BACH2: variants seen among roughly 807,000 people sequenced by gnomAD.
BACH2 encodes transcription regulator protein BACH2.
BACH2 carries 5 observed loss-of-function variants against 61.8 expected under a neutral mutation model. That is an observed-to-expected ratio of 0.08 (90% CI 0.04 to 0.17). The LOEUF (loss-of-function observed/expected upper bound fraction) is 0.17. BACH2 is among the 10% of genes least tolerant of loss of function. BACH2 has a pLI of 1.00. For missense variants in BACH2, 824 were observed against 1,091.1 expected, an observed-to-expected ratio of 0.76 and a Z score of 3.45; for synonymous variants, 446 against 440.1, an observed-to-expected ratio of 1.01 and a Z score of -0.17.
chr6:90,131,010 G>A (rs768970770), intron 4 of BACH2, among the ~76,000 whole-genome samples: 12 of 152,180 alleles, frequency 7.9e-5, no homozygotes, highest in Non-Finnish European at 1.8e-4. Context: ...TGTTAATATG[G>A]TCTTTTAGTG....
intron 6 of BACH2, among the ~76,000 whole-genome samples, chr6:89,994,877 TTGA>T (rs1252573271): frequency 1.3e-5 from 2 of 152,238 alleles, no homozygotes; most frequent in Admixed American, 6.5e-5. Context: ...GGTCACCCTG[TTGA>T]TATTTTTACT....
chr6:90,055,181 C>T (rs113274869), intron 5 of BACH2, among the ~76,000 whole-genome samples: 33 of 150,944 alleles, frequency 2.2e-4, no homozygotes, highest in African/African-American at 7.5e-4. Context: ...CTCTGAGCTA[C>T]AGGAGGAGCT....
intron 7 of BACH2, among the ~76,000 whole-genome samples, chr6:89,945,704 G>A (rs1045366175): frequency 1.3e-5 from 2 of 152,112 alleles, no homozygotes; most frequent in Non-Finnish European, 2.9e-5. Context: ...TTTATGATAT[G>A]GGAATTATGT....
At chr6:90,010,119 ACTGTACATAT>A (rs1043658509) in intron 5 of BACH2, among the ~76,000 whole-genome samples, 1 of 152,202 alleles carries the variant, frequency 6.6e-6, no homozygotes, top group Non-Finnish European at 1.5e-5. Context: ...CATACAATAA[ACTGTACATAT>A]TTATAGTGAG....
intron 4 of BACH2, among the ~76,000 whole-genome samples, chr6:90,089,898 G>T (rs552856567): frequency 6.6e-6 from 1 of 152,200 alleles, no homozygotes; most frequent in South Asian, 2.1e-4. Context: ...AAAAATAGAT[G>T]CATATTCTTA....
At chr6:90,082,105 T>C (rs776182833) in intron 5 of BACH2, among the ~76,000 whole-genome samples, 2 of 152,230 alleles carry the variant, frequency 1.3e-5, no homozygotes, top group Non-Finnish European at 2.9e-5. Context: ...CAGAATTTGA[T>C]TGGAGTTCAT....
At chr6:89,943,359 C>G (rs944315219) in intron 7 of BACH2, among the ~76,000 whole-genome samples, 11 of 151,996 alleles carry the variant, frequency 7.2e-5, no homozygotes, top group African/African-American at 2.7e-4. Context: ...ATTCTTCAGC[C>G]TAAACCATCA....
At chr6:90,232,413 G>A (rs1770127790) in intron 3 of BACH2, among the ~76,000 whole-genome samples, 1 of 152,174 alleles carries the variant, frequency 6.6e-6, no homozygotes. Flanking sequence ...AGCTGGAATT[G>A]TGTATTTATT....
At chr6:90,092,334 T>TCACTTG (rs1269504318) in intron 4 of BACH2, among the ~76,000 whole-genome samples, 1 of 135,404 alleles carries the variant, frequency 7.4e-6, no homozygotes, top group Non-Finnish European at 1.5e-5. Context: ...ACACATTGCA[T>TCACTTG]CACTTGCACT....
chr6:90,292,568 C>T (rs944274332), intron 1 of BACH2, among the ~76,000 whole-genome samples: 29 of 152,300 alleles, frequency 1.9e-4, no homozygotes, highest in African/African-American at 7.0e-4. Flanking sequence ...CTGATCAATC[C>T]CTGAGTGGGA....
At position 89,931,859 on chromosome 6, in the gene BACH2, A is replaced by G. The variant is rs1476916571; in HGVS notation, c.*549T>C. 6.6e-6 allele frequency: 1 copy of G among 152,082 alleles called. No homozygotes were observed. The highest frequency in any genetic ancestry group is 2.4e-5 in the African/African-American group (1 of 41,294). 9.4% of individuals were successfully genotyped at this position (152,082 alleles called of 1,614,324 possible). Reference sequence around the variant, plus strand: ...AGAGACAAAAGAAGAGGAATGTTGGAACCTGTTTCTAAATGAGAAATAAGT... The same window carrying G: ...AGAGACAAAAGAAGAGGAATGTTGGGACCTGTTTCTAAATGAGAAATAAGT... On this transcript the variant is annotated 3_prime_UTR_variant, in exon 9 of 9. Coordinates refer to ENST00000257749, the MANE Select transcript of BACH2 (RefSeq NM_021813.4).
intron 5 of BACH2, among the ~76,000 whole-genome samples, chr6:90,087,177 C>T (rs1034257234): frequency 6.6e-6 from 1 of 152,110 alleles, no homozygotes. Context: ...CTTTGCTTGG[C>T]AATTGCTTTA....
intron 4 of BACH2, among the ~76,000 whole-genome samples, chr6:90,192,965 C>T (rs1041210715): frequency 3.3e-5 from 5 of 152,196 alleles, no homozygotes; most frequent in African/African-American, 4.8e-5. Flanking sequence ...GTTTGATACA[C>T]ATTCTGAGAA....
At chr6:90,177,163 C>T (rs1410001356) in intron 4 of BACH2, among the ~76,000 whole-genome samples, 1 of 152,192 alleles carries the variant, frequency 6.6e-6, no homozygotes, top group Non-Finnish European at 1.5e-5. Context: ...GAAGCCTCCT[C>T]AAACAACTGC....
At chr6:90,250,387 G>C (rs1020342237) in intron 3 of BACH2, among the ~76,000 whole-genome samples, 1 of 152,130 alleles carries the variant, frequency 6.6e-6, no homozygotes, top group African/African-American at 2.4e-5. Context: ...CCTCCGAAAG[G>C]AGTCAACTTT....
chr6:90,075,481 C>T (rs1781432763), intron 5 of BACH2, among the ~76,000 whole-genome samples: 1 of 152,122 alleles, frequency 6.6e-6, no homozygotes, highest in Non-Finnish European at 1.5e-5. Flanking sequence ...ACACTCAAAC[C>T]TGGCTTTCCA....
chr6:89,954,326 A>C (rs1020258747), intron 6 of BACH2, among the ~76,000 whole-genome samples: 19 of 151,038 alleles, frequency 1.3e-4, no homozygotes, highest in African/African-American at 4.6e-4. Flanking sequence ...ATTATGCTTT[A>C]AGTTTTAGGG....
chr6:90,170,627 TA>T (rs1767780719), intron 4 of BACH2, among the ~76,000 whole-genome samples: 1 of 152,222 alleles, frequency 6.6e-6, no homozygotes, highest in Non-Finnish European at 1.5e-5. Context: ...TTTTTGTAGG[TA>T]AAATATGATT....
intron 2 of BACH2, among the ~76,000 whole-genome samples, chr6:90,257,676 A>T (rs1040908199): frequency 2.0e-5 from 3 of 152,212 alleles, no homozygotes; most frequent in African/African-American, 7.2e-5. Context: ...GAATATTGGG[A>T]TATACTGATT....
Sources: allele counts gnomAD v4.1 joint callset (sites outside exome capture counted in the v4.1 genomes callset), GRCh38; gene constraint gnomAD v4.1.1; transcripts MANE v1.5; gene names NCBI Gene and HGNC (gene_info 2026-07-23, HGNC 2026-07-21).